Variants in TRPM6 observed in about 807,000 individuals in gnomAD.
TRPM6 encodes the protein channel kinase 2.
TRPM6 carries 111 observed loss-of-function variants against 247.6 expected under a neutral mutation model. The observed-to-expected ratio is 0.45, with a 90% CI of 0.38 to 0.52. The LOEUF (loss-of-function observed/expected upper bound fraction) is 0.52. Ranked by LOEUF, TRPM6 falls within the 20% of genes least tolerant of loss-of-function variation. The probability of loss-of-function intolerance (pLI) is 0.00; values close to 1 mark genes in which losing one functional copy is unlikely to be tolerated. For missense variants in TRPM6, 2,126 were observed against 2,421.5 expected (o/e 0.88, Z 2.56); for synonymous variants, 892 against 853.8 (o/e 1.04, Z -0.78).
intron 1 of TRPM6, among the ~76,000 whole-genome samples, chr9:74,884,217 A>G (rs1831455358): frequency 6.6e-6 from 1 of 152,130 alleles, no homozygotes; most frequent in Non-Finnish European, 1.5e-5. Context: ...ATGGCCAGGC[A>G]CAGTGGCTCA....
chr9:74,736,952 C>T (rs1417929675), intron 36 of TRPM6, among the ~76,000 whole-genome samples: 1 of 152,054 alleles, frequency 6.6e-6, no homozygotes. Context: ...GTTTTTCTTT[C>T]GTTGTTTTTT....
At chr9:74,788,457 A>G (rs1374077687) in intron 20 of TRPM6, among the ~76,000 whole-genome samples, 157 bp downstream of exon 20, 2 of 152,198 alleles carry the variant, frequency 1.3e-5, no homozygotes, top group African/African-American at 4.8e-5. Flanking sequence ...TCTCCCCCAA[A>G]TAACCTTTAT....
intron 24 of TRPM6, among the ~76,000 whole-genome samples, chr9:74,772,509 G>A (rs1338785490): frequency 6.6e-6 from 1 of 152,128 alleles, no homozygotes; most frequent in Non-Finnish European, 1.5e-5. Flanking sequence ...CATATTAGAT[G>A]TACCTATTTT....
chr9:74,757,884 G>C (rs1033377732), intron 27 of TRPM6, among the ~76,000 whole-genome samples: 1 of 152,164 alleles, frequency 6.6e-6, no homozygotes, highest in Non-Finnish European at 1.5e-5. Context: ...CTGCACTCCA[G>C]CCTAGGCGAC....
intron 25 of TRPM6, among the ~76,000 whole-genome samples, chr9:74,767,473 G>A (rs574692709): frequency 1.3e-4 from 20 of 152,146 alleles, no homozygotes; most frequent in Non-Finnish European, 2.6e-4. Flanking sequence ...TTCAGAAGTA[G>A]GCTAATGTGC....
chr9:74,795,191 G>T (rs1458855466), intron 18 of TRPM6, among the ~76,000 whole-genome samples: 1 of 152,040 alleles, frequency 6.6e-6, no homozygotes, highest in African/African-American at 2.4e-5. Context: ...CTCGTTAAAG[G>T]ACTTATTGCT....
chr9:74,820,137 G>T (rs1052818310), intron 9 of TRPM6, 167 bp downstream of exon 9: 7 of 703,082 alleles, frequency 1.0e-5, no homozygotes, highest in African/African-American at 3.5e-5. Context: ...CCATGCATTA[G>T]CTATTTATCC....
chr9:74,740,065 A>C, intron 33 of TRPM6, 56 bp from the exon 34 acceptor site: 1 of 1,568,848 alleles, frequency 6.4e-7, no homozygotes, highest in Non-Finnish European at 8.7e-7. Context: ...CTGTGACATG[A>C]ATAGTATCCT....
intron 3 of TRPM6, among the ~76,000 whole-genome samples, chr9:74,848,690 G>T (rs541847905): frequency 6.6e-6 from 1 of 152,030 alleles, no homozygotes; most frequent in Non-Finnish European, 1.5e-5. Flanking sequence ...GCAATGCCCC[G>T]CCTGAAAGAG....
chr9:74,829,277 G>A (rs772983881), intron 6 of TRPM6, among the ~76,000 whole-genome samples: 2 of 152,178 alleles, frequency 1.3e-5, no homozygotes, highest in Non-Finnish European at 2.9e-5. Context: ...GGGCGACACA[G>A]TGAGACCCCA....
intron 11 of TRPM6, among the ~76,000 whole-genome samples, chr9:74,815,781 G>C (rs1475193139): frequency 6.6e-6 from 1 of 152,182 alleles, no homozygotes; most frequent in East Asian, 1.9e-4. Context: ...GATTAGCAGG[G>C]CAGAGAACTA....
intron 35 of TRPM6, 74 bp downstream of exon 35, chr9:74,739,293 T>C (rs1031517665): frequency 6.1e-6 from 8 of 1,317,706 alleles, no homozygotes; most frequent in South Asian, 1.2e-5. Context: ...AGATTTCTCA[T>C]GAGTAATGGG....
chr9:74,761,192 A>G (rs1438697314), intron 27 of TRPM6, among the ~76,000 whole-genome samples: 1 of 152,254 alleles, frequency 6.6e-6, no homozygotes, highest in Admixed American at 6.5e-5. Context: ...TACCTTGGAA[A>G]GCAGTTTGGA....
At chr9:74,745,057 C>T (rs1334159100) in intron 31 of TRPM6, among the ~76,000 whole-genome samples, 1 of 152,190 alleles carries the variant, frequency 6.6e-6, no homozygotes, top group Non-Finnish European at 1.5e-5. Flanking sequence ...GGTGTGGTTC[C>T]CACCCTACCG....
At chr9:74,850,315 T>A (rs1022976483) in intron 3 of TRPM6, among the ~76,000 whole-genome samples, 8 of 151,964 alleles carry the variant, frequency 5.3e-5, no homozygotes, top group East Asian at 3.9e-4. Context: ...GAAGTTATAG[T>A]GAGGCGAGAT....
intron 23 of TRPM6, among the ~76,000 whole-genome samples, chr9:74,779,031 C>T (rs1268713906): frequency 3.3e-5 from 5 of 152,102 alleles, no homozygotes; most frequent in South Asian, 2.1e-4. Flanking sequence ...TGAGAGCAAA[C>T]GGGCAGTGAG....
chr9:74,800,427 G>A lies in TRPM6; in HGVS notation c.2065C>T (p.Arg689Cys), dbSNP rs768922534. The A allele has an allele frequency of 1.4e-5, 23 of 1,613,760 alleles. No homozygotes were observed. The highest frequency in any genetic ancestry group is 6.7e-5 in the Admixed American group (4 of 59,974). The change falls in exon 17 of 39, where the codon CGC becomes TGC. Residue 689 changes from arginine (R) to cysteine (C), a missense_variant. Arg to Cys is a radical substitution (Grantham distance 180, BLOSUM62 -3). Coordinates refer to ENST00000360774, the MANE Select transcript of TRPM6 (RefSeq NM_017662.5). ...TACGTCAACAGCGTCATGGCCATGCGCTCATTCTGCTTGAATGCCTTCTCC... is the reference window on the plus strand; with the variant it reads ...TACGTCAACAGCGTCATGGCCATGCACTCATTCTGCTTGAATGCCTTCTCC... ...LLEKAFKQNE[R>C]MAMTLLTYEL...
Position 74,761,716 on chromosome 9 carries a change from T to C in TRPM6, c.4765A>G (p.Thr1589Ala), listed in dbSNP as rs200373909. ...DRRLSKKKKN[T>A]QGLQVPIITV... ...CTTACTGGCACCTGGAGTCCTTGAG[T>C]ATTCTTCTTTTTCTTTGACAGTCTC... Residue 1589 changes from threonine to alanine, a missense_variant, in exon 27 of 39, where the codon ACT (threonine) becomes GCT (alanine). Physicochemically the swap from Thr to Ala is moderately conservative, Grantham distance 58. Coordinates refer to ENST00000360774, the MANE Select transcript of TRPM6 (RefSeq NM_017662.5). 6.2e-7 allele frequency: 1 copy of C among 1,611,394 alleles called. No individual in the cohort carries two copies. Among genetic ancestry groups the C allele is most frequent in the Non-Finnish European group, 8.5e-7 (1 of 1,177,626 alleles).
intron 23 of TRPM6, among the ~76,000 whole-genome samples, chr9:74,776,951 A>G (rs533428900): frequency 1.3e-5 from 2 of 152,352 alleles, no homozygotes; most frequent in South Asian, 4.1e-4. Flanking sequence ...GCAAATAAAA[A>G]CACAGATAAC....
Sources: allele counts gnomAD v4.1 joint callset (sites outside exome capture counted in the v4.1 genomes callset), GRCh38; gene constraint gnomAD v4.1.1; transcripts MANE v1.5; gene names NCBI Gene and HGNC (gene_info 2026-07-23, HGNC 2026-07-21).